Variants in LRRC4C observed in about 807,000 individuals in gnomAD.
LRRC4C encodes the protein leucine rich repeat containing 4C, also known as leucine-rich repeat-containing protein 4C.
In LRRC4C, 5 loss-of-function variants were observed where a neutral mutation model predicts 33.6. The observed-to-expected ratio is 0.15, with a 90% CI of 0.08 to 0.31. The LOEUF (loss-of-function observed/expected upper bound fraction) is 0.31. Ranked by LOEUF, LRRC4C falls within the 10% of genes least tolerant of loss-of-function variation. The pLI is 1.00. For missense variants in LRRC4C, 560 were observed against 796.7 expected (o/e 0.70, Z 3.58); for synonymous variants, 329 against 302.0 (o/e 1.09, Z -0.93).
intron 5 of LRRC4C, among the ~76,000 whole-genome samples, chr11:40,158,304 A>AT (rs1349736218): frequency 6.6e-6 from 1 of 152,092 alleles, no homozygotes; most frequent in East Asian, 1.9e-4. Context: ...GACTACAAAT[A>AT]TGGTGCAGTG....
intron 1 of LRRC4C, among the ~76,000 whole-genome samples, chr11:40,945,023 C>CTTTTTTTTTT (rs767515626): frequency 2.2e-4 from 24 of 111,118 alleles, no homozygotes; most frequent in African/African-American, 3.2e-4. Context: ...TGCAGTTTTT[C>CTTTTTTTTTT]TTTTTTTTTT....
chr11:40,804,527 A>G (rs1214384953), intron 2 of LRRC4C, among the ~76,000 whole-genome samples: 3 of 152,184 alleles, frequency 2.0e-5, no homozygotes, highest in African/African-American at 4.8e-5. Flanking sequence ...TCACTTGGCT[A>G]ATAAGCCTTC....
intron 1 of LRRC4C, among the ~76,000 whole-genome samples, chr11:41,140,132 A>G (rs1302266878): frequency 6.6e-6 from 1 of 152,166 alleles, no homozygotes; most frequent in Non-Finnish European, 1.5e-5. Context: ...AGATGGCAGA[A>G]ACTTATTACC....
intron 2 of LRRC4C, among the ~76,000 whole-genome samples, chr11:40,913,817 G>T (rs1017613033): frequency 1.3e-5 from 2 of 151,918 alleles, no homozygotes; most frequent in African/African-American, 4.8e-5. Flanking sequence ...TAATAAAGAA[G>T]AAAAGAGAGA....
At chr11:40,384,611 C>A (rs1949032282) in intron 3 of LRRC4C, among the ~76,000 whole-genome samples, 1 of 152,128 alleles carries the variant, frequency 6.6e-6, no homozygotes, top group South Asian at 2.1e-4. Flanking sequence ...TACCAGGAGT[C>A]TCTTAAAATT....
At chr11:41,396,991 C>T (rs1002785186) in intron 1 of LRRC4C, among the ~76,000 whole-genome samples, 1 of 151,916 alleles carries the variant, frequency 6.6e-6, no homozygotes, top group African/African-American at 2.4e-5. Context: ...TTCCATTCTC[C>T]CATCAACGCT....
At chr11:41,319,713 G>A (rs1950899901) in intron 1 of LRRC4C, among the ~76,000 whole-genome samples, 1 of 151,920 alleles carries the variant, frequency 6.6e-6, no homozygotes, top group Admixed American at 6.6e-5. Context: ...ATCACGCCCA[G>A]CTAATTTTTG....
At chr11:40,600,723 A>T (rs1959904276) in intron 3 of LRRC4C, among the ~76,000 whole-genome samples, 1 of 152,248 alleles carries the variant, frequency 6.6e-6, no homozygotes, top group Non-Finnish European at 1.5e-5. Context: ...ACAAAGAAAC[A>T]TTATTAGAAT....
At chr11:41,106,638 CCTTTTT>C (rs925916289) in intron 1 of LRRC4C, among the ~76,000 whole-genome samples, 1 of 152,030 alleles carries the variant, frequency 6.6e-6, no homozygotes, top group African/African-American at 2.4e-5. Context: ...TCATGAGCTT[CCTTTTT>C]CATCATCTTT....
At chr11:40,481,955 T>C (rs955913492) in intron 3 of LRRC4C, among the ~76,000 whole-genome samples, 1 of 152,192 alleles carries the variant, frequency 6.6e-6, no homozygotes, top group African/African-American at 2.4e-5. Context: ...ATTTACTACC[T>C]GGTAGGGATA....
intron 1 of LRRC4C, among the ~76,000 whole-genome samples, chr11:41,422,389 G>A (rs947641559): frequency 6.6e-6 from 1 of 152,054 alleles, no homozygotes; most frequent in African/African-American, 2.4e-5. Context: ...AGATCTGCCA[G>A]TGGCAGGTCT....
intron 1 of LRRC4C, among the ~76,000 whole-genome samples, chr11:41,207,688 A>G (rs1946656159): frequency 2.0e-5 from 3 of 152,190 alleles, no homozygotes; most frequent in African/African-American, 7.2e-5. Context: ...CCTGGAAGAC[A>G]GCAAGCCAAG....
chr11:41,387,069 C>CT (rs1953388926), intron 1 of LRRC4C, among the ~76,000 whole-genome samples: 1 of 151,714 alleles, frequency 6.6e-6, no homozygotes, highest in Non-Finnish European at 1.5e-5. Flanking sequence ...TATTGTTTTG[C>CT]TTCAAGTGTA....
chr11:40,550,253 T>A (rs1957081166), intron 3 of LRRC4C, among the ~76,000 whole-genome samples: 1 of 152,166 alleles, frequency 6.6e-6, no homozygotes, highest in South Asian at 2.1e-4. Context: ...ATCCCTTGAT[T>A]CCATGTCTGC....
chr11:41,072,725 C>G (rs771971496), intron 1 of LRRC4C, among the ~76,000 whole-genome samples: 46 of 152,128 alleles, frequency 3.0e-4, no homozygotes, highest in Admixed American at 7.2e-4. Context: ...CATGATCTGG[C>G]TGGAAGACTG....
intron 3 of LRRC4C, among the ~76,000 whole-genome samples, chr11:40,387,338 T>G (rs991989118): frequency 4.6e-5 from 7 of 152,088 alleles, no homozygotes; most frequent in African/African-American, 1.7e-4. Context: ...AAGAAGTAAA[T>G]AATTTGATTC....
chr11:41,188,923 A>G (rs1347267306), intron 1 of LRRC4C, among the ~76,000 whole-genome samples: 2 of 135,708 alleles, frequency 1.5e-5, no homozygotes, highest in African/African-American at 2.7e-5. Flanking sequence ...AAAAAAAAGT[A>G]TAATTTATGT....
At chr11:40,244,734 T>A (rs1866194357) in intron 4 of LRRC4C, among the ~76,000 whole-genome samples, 1 of 146,588 alleles carries the variant, frequency 6.8e-6, no homozygotes, top group African/African-American at 2.6e-5. Context: ...AAGGGGAAGG[T>A]TTTTTTTTTG....
At chr11:40,909,358 T>C (rs1956565079) in intron 2 of LRRC4C, among the ~76,000 whole-genome samples, 1 of 152,118 alleles carries the variant, frequency 6.6e-6, no homozygotes, top group Non-Finnish European at 1.5e-5. Context: ...GAAGTCAACA[T>C]TCAAAAATTT....
Sources: allele counts gnomAD v4.1 joint callset (sites outside exome capture counted in the v4.1 genomes callset), GRCh38; gene constraint gnomAD v4.1.1; transcripts MANE v1.5; gene names NCBI Gene and HGNC (gene_info 2026-07-23, HGNC 2026-07-21).